The following MYLK4 variants were observed in gnomAD, a reference collection of about 807,000 sequenced individuals.
MYLK4 encodes myosin light chain kinase family member 4, also known as caMLCK like.
MYLK4 carries 46 observed loss-of-function variants against 48.1 expected under a neutral mutation model. That is an observed-to-expected ratio of 0.96 (90% confidence interval 0.75 to 1.22). MYLK4 has a LOEUF of 1.22. MYLK4 is among the 50% of genes most tolerant of loss of function. The pLI, the probability that MYLK4 is intolerant of heterozygous loss-of-function variation, is 0.00. For missense variants in MYLK4, 451 were observed against 486.1 expected (o/e 0.93, Z 0.68); for synonymous variants, 170 against 180.8 (o/e 0.94, Z 0.48).
the MYLK4 span, among the ~76,000 whole-genome samples, chr6:2,764,262 T>G: frequency 6.6e-6 from 1 of 152,110 alleles, no homozygotes; most frequent in Non-Finnish European, 1.5e-5. Flanking sequence ...AAACAACTCT[T>G]AACCAGCCAG....
At chr6:2,769,862 A>G in the MYLK4 span, among the ~76,000 whole-genome samples, 1 of 152,222 alleles carries the variant, frequency 6.6e-6, no homozygotes, top group Non-Finnish European at 1.5e-5. Context: ...CTAAGCTAGA[A>G]TTCTACTTAA....
At chr6:2,743,609 T>C (rs371571454) in intron 2 of MYLK4, among the ~76,000 whole-genome samples, 1 of 152,174 alleles carries the variant, frequency 6.6e-6, no homozygotes, top group South Asian at 2.1e-4. Flanking sequence ...ATATAAGAAG[T>C]AGGAGAAGGA....
intron 2 of MYLK4, among the ~76,000 whole-genome samples, chr6:2,745,418 C>T (rs1440911380): frequency 1.3e-5 from 2 of 152,180 alleles, no homozygotes; most frequent in Non-Finnish European, 2.9e-5. Flanking sequence ...GAGCTCATCA[C>T]TCATATGAGT....
chr6:2,751,271 C>T (rs569034067), upstream of MYLK4, among the ~76,000 whole-genome samples: 1 of 152,220 alleles, frequency 6.6e-6, no homozygotes, highest in African/African-American at 2.4e-5. Flanking sequence ...GGCAACCCCA[C>T]AGCCACCTCT....
intron 2 of MYLK4, among the ~76,000 whole-genome samples, chr6:2,705,754 C>T (rs550376873): frequency 1.2e-4 from 19 of 152,138 alleles, no homozygotes; most frequent in African/African-American, 2.2e-4. Context: ...AAAGAAATTA[C>T]GGGAATGGAA....
intron 2 of MYLK4, among the ~76,000 whole-genome samples, chr6:2,695,088 A>G (rs549289387): frequency 1.3e-5 from 2 of 152,342 alleles, no homozygotes; most frequent in East Asian, 1.9e-4. Context: ...ATGGAAGAGA[A>G]GCAAAAAAAG....
intron 12 of MYLK4, among the ~76,000 whole-genome samples, chr6:2,669,683 C>T (rs1214691380): frequency 6.6e-6 from 1 of 152,170 alleles, no homozygotes; most frequent in Admixed American, 6.5e-5. Flanking sequence ...ACTGGGGCAC[C>T]TCGCTGAGTG....
At chr6:2,735,880 C>T (rs1172717407) in intron 2 of MYLK4, among the ~76,000 whole-genome samples, 1 of 152,202 alleles carries the variant, frequency 6.6e-6, no homozygotes, top group Non-Finnish European at 1.5e-5. Context: ...ATGTCTCTAA[C>T]AGACAAATTG....
chr6:2,682,233 A>T (rs1355742030), intron 7 of MYLK4, among the ~76,000 whole-genome samples: 1 of 152,240 alleles, frequency 6.6e-6, no homozygotes, highest in Non-Finnish European at 1.5e-5. Flanking sequence ...CAGGGAAATG[A>T]GAAAATGACC....
At chr6:2,700,746 G>C (rs531203116) in intron 2 of MYLK4, among the ~76,000 whole-genome samples, 24 of 152,250 alleles carry the variant, frequency 1.6e-4, no homozygotes, top group South Asian at 1.5e-3. Flanking sequence ...CTGGTCCTCT[G>C]CCTGAAAGCT....
the MYLK4 span, among the ~76,000 whole-genome samples, chr6:2,763,667 A>C: frequency 2.0e-5 from 3 of 152,202 alleles, no homozygotes; most frequent in South Asian, 6.2e-4. Context: ...CTTCCCCACA[A>C]GCTGAGGGAG....
At chr6:2,752,208 A>C (rs900388742), upstream of MYLK4, among the ~76,000 whole-genome samples, 4 of 152,198 alleles carry the variant, frequency 2.6e-5, no homozygotes, top group African/African-American at 9.7e-5. Context: ...TTTTGTAATA[A>C]ACTTTTCCTT....
intron 2 of MYLK4, among the ~76,000 whole-genome samples, chr6:2,697,667 A>T (rs1260920212): frequency 1.3e-5 from 2 of 152,226 alleles, no homozygotes; most frequent in Non-Finnish European, 2.9e-5. Flanking sequence ...AATAAAAATC[A>T]TTTAAAAAAT....
At chr6:2,702,959 G>A (rs1762346293) in intron 2 of MYLK4, among the ~76,000 whole-genome samples, 1 of 152,120 alleles carries the variant, frequency 6.6e-6, no homozygotes. Flanking sequence ...TTTGATTGTG[G>A]ACGTGGGGGA....
At chr6:2,694,068 C>A (rs890669698) in intron 2 of MYLK4, among the ~76,000 whole-genome samples, 1 of 152,260 alleles carries the variant, frequency 6.6e-6, no homozygotes, top group Admixed American at 6.5e-5. Flanking sequence ...TGCAAATGTG[C>A]TTTTACACAA....
chr6:2,705,187 T>C (rs376132299), intron 2 of MYLK4, among the ~76,000 whole-genome samples: 14 of 152,262 alleles, frequency 9.2e-5, no homozygotes, highest in African/African-American at 3.4e-4. Context: ...ATTTAGTGTT[T>C]TTAGTTCTTC....
chr6:2,727,837 C>T (rs888796380), intron 2 of MYLK4, among the ~76,000 whole-genome samples: 5 of 151,448 alleles, frequency 3.3e-5, no homozygotes, highest in African/African-American at 9.7e-5. Flanking sequence ...ATCCCAACTA[C>T]TCAGGAGGCT....
In MYLK4 at chr6:2,685,567, G is replaced by A. The variant is rs766868889; in HGVS notation, c.351C>T (p.Phe117=). Reference sequence around the variant, plus strand: ...TCTCCTCACACTTGTGAACCTGGCCGAAACGCCCTCTGCCAAAAAGAGGAA... The same window carrying A: ...TCTCCTCACACTTGTGAACCTGGCCAAAACGCCCTCTGCCAAAAAGAGGAA... ...SKTEILGGGR[F]GQVHKCEETA... is the part of the protein sequence containing the mutation. The change falls in exon 5 of 13, where the codon TTC becomes TTT. Residue 117 remains phenylalanine (F), a synonymous_variant. Coordinates refer to ENST00000274643, the MANE Select transcript of MYLK4 (RefSeq NM_001012418.5). The surrounding 1 kb of genome is among the most constrained non-coding windows in gnomAD (Gnocchi z 4.5). 7.4e-6 allele frequency: 12 copies of A among 1,613,984 alleles called. No homozygotes were observed. The highest frequency in any genetic ancestry group is 1.6e-4 in the Middle Eastern group (1 of 6,084).
At chr6:2,747,745 A>C (rs1333800019) in intron 2 of MYLK4, among the ~76,000 whole-genome samples, 2 of 152,188 alleles carry the variant, frequency 1.3e-5, no homozygotes, top group African/African-American at 4.8e-5. Flanking sequence ...AATTCATATA[A>C]ACTATTACAG....
Sources: gnomAD v4.1 joint callset for allele counts (sites outside exome capture counted in the v4.1 genomes callset) on GRCh38, gnomAD v4.1.1 for gene constraint, Gnocchi (gnomAD v3.1) non-coding constraint, MANE v1.5 for transcripts, NCBI Gene and HGNC (gene_info 2026-07-23, HGNC 2026-07-21) for gene names.